Variants in PPTC7 observed in about 807,000 individuals in gnomAD.
The protein encoded by PPTC7 is protein phosphatase PTC7 homolog.
Under a neutral mutation model 30.8 loss-of-function variants are expected in PPTC7, and 6 were observed. The ratio of observed to expected loss-of-function variants is 0.19; its 90% CI spans 0.11 to 0.38. PPTC7 has a LOEUF of 0.38. PPTC7 is among the 10% of genes least tolerant of loss of function. The pLI is 1.00. For missense variants in PPTC7, 218 were observed against 404.8 expected, an observed-to-expected ratio of 0.54 and a Z score of 3.96; for synonymous variants, 163 against 168.1, an observed-to-expected ratio of 0.97 and a Z score of 0.23.
chr12:110,544,090 C>T (rs1593145408), intron 3 of PPTC7, among the ~76,000 whole-genome samples: 1 of 152,170 alleles, frequency 6.6e-6, no homozygotes, highest in Admixed American at 6.5e-5. Flanking sequence ...TTTAGAAGGG[C>T]CTAGAATCAA....
chr12:110,554,493 G>A (rs1373734653), intron 1 of PPTC7, among the ~76,000 whole-genome samples: 1 of 152,058 alleles, frequency 6.6e-6, no homozygotes, highest in Admixed American at 6.6e-5. Flanking sequence ...TTTATTTTTA[G>A]TTAATATGAA....
At chr12:110,545,650 T>C (rs1211772641) in intron 3 of PPTC7, among the ~76,000 whole-genome samples, 2 of 152,228 alleles carry the variant, frequency 1.3e-5, no homozygotes, top group Non-Finnish European at 2.9e-5. Flanking sequence ...TGAAATAGTA[T>C]TTTCATGGTC....
At chr12:110,537,868 G>A (rs569586406) in intron 5 of PPTC7, among the ~76,000 whole-genome samples, 1 of 152,338 alleles carries the variant, frequency 6.6e-6, no homozygotes, top group East Asian at 1.9e-4. Flanking sequence ...AAGCCTTTTG[G>A]GTTCAGGTCC....
At chr12:110,542,673 CAA>C (rs765332697) in intron 3 of PPTC7, among the ~76,000 whole-genome samples, 402 of 26,666 alleles carry the variant, frequency 0.015, no homozygotes, top group Non-Finnish European at 0.02. Context: ...GACTCTGTCT[CAA>C]AAAAAAAAAA....
intron 1 of PPTC7, among the ~76,000 whole-genome samples, chr12:110,565,400 C>T (rs1029397618): frequency 2.6e-4 from 40 of 152,040 alleles, no homozygotes; most frequent in Middle Eastern, 3.4e-3. Context: ...GGATTACAGG[C>T]GCCCACCACC....
chr12:110,579,458 G>A (rs903286451), intron 1 of PPTC7, among the ~76,000 whole-genome samples: 1 of 152,200 alleles, frequency 6.6e-6, no homozygotes, highest in African/African-American at 2.4e-5. Flanking sequence ...CCCTTCAAGG[G>A]TACAGAGCTG....
chr12:110,566,667 AAG>A (rs1258821379), intron 1 of PPTC7, among the ~76,000 whole-genome samples: 2 of 152,336 alleles, frequency 1.3e-5, no homozygotes, highest in East Asian at 1.9e-4. Flanking sequence ...TCAGAAAAAA[AAG>A]AGTCTTTGAC....
chr12:110,541,700 CAAAAAA>C (rs748911395), intron 3 of PPTC7, among the ~76,000 whole-genome samples: 1 of 66,478 alleles, frequency 1.5e-5, no homozygotes. Context: ...AACTCCGTCT[CAAAAAA>C]AAAAAAAAAA....
chr12:110,582,715 T>C (rs1472775987), intron 1 of PPTC7, 94 bp downstream of exon 1: 2 of 1,141,542 alleles, frequency 1.8e-6, no homozygotes, highest in African/African-American at 3.2e-5. Context: ...CTCTGGCTCC[T>C]TTCGCCGCCG....
At chr12:110,551,727 G>C in intron 2 of PPTC7, 62 bp downstream of exon 2, 1 of 1,421,936 alleles carries the variant, frequency 7.0e-7, no homozygotes, top group Non-Finnish European at 9.7e-7. Flanking sequence ...TGATTTTCTT[G>C]GTTTTGTTTT....
intron 1 of PPTC7, among the ~76,000 whole-genome samples, chr12:110,573,696 C>T (rs2064559238): frequency 6.6e-6 from 1 of 151,994 alleles, no homozygotes. Context: ...AAAAGCACTA[C>T]ACAGGCCAGG....
In PPTC7 at chr12:110,546,047, G is replaced by C. The variant is rs373235883; in HGVS notation, c.435C>G (p.Asp145Glu). Residue 145 changes from aspartate (D) to glutamate (E), a missense_variant, in exon 3 of 6, where the codon GAC becomes GAG. Transcript: ENST00000354300. The part of the protein sequence containing the change: ...GSSTACIVVL[D>E]RTSHRLHTAN... ...CTGTGTGTAAGCGGTGGCTGGTTCT[G>C]TCCAGCACCACAATGCAGGCGGTGC... The C allele has an allele frequency of 6.2e-7, 1 of 1,613,970 alleles. No individual in the cohort carries two copies. The highest frequency in any genetic ancestry group is 8.5e-7 in the Non-Finnish European group (1 of 1,180,034).
At chr12:110,539,488 C>T in intron 4 of PPTC7, among the ~76,000 whole-genome samples, 1 of 152,170 alleles carries the variant, frequency 6.6e-6, no homozygotes, top group East Asian at 1.9e-4. Flanking sequence ...ATGACTATTT[C>T]CTGTCTTTGC....
intron 1 of PPTC7, 56 bp downstream of exon 1, chr12:110,582,753 G>A (rs2064649213): frequency 1.4e-6 from 2 of 1,408,650 alleles, no homozygotes; most frequent in African/African-American, 1.5e-5. Context: ...CCCGCGCGGG[G>A]AGTCCCCGGG....
intron 5 of PPTC7, among the ~76,000 whole-genome samples, chr12:110,537,786 C>G (rs1181577408): frequency 6.6e-6 from 1 of 152,154 alleles, no homozygotes; most frequent in Non-Finnish European, 1.5e-5. Context: ...AAGGGAGAAG[C>G]GAAATGTCAG....
chr12:110,534,982 T>A lies in PPTC7; in HGVS notation c.*2055A>T, dbSNP rs1213773916. The A allele has an allele frequency of 6.6e-6, 1 of 152,632 alleles. No homozygotes were observed. The highest frequency in any genetic ancestry group is 1.5e-5 in the Non-Finnish European group (1 of 68,036). The allele number at this position is 152,632 out of a possible 1,614,324, so 9.5% of individuals were successfully genotyped here. ...GCTACATACTCTTACCAAAAATAAT[T>A]GAAAACCTAAACAAAAGAGCTGAAG... On this transcript the variant is annotated 3_prime_UTR_variant, in exon 6 of 6. Coordinates refer to ENST00000354300, the MANE Select transcript of PPTC7 (RefSeq NM_139283.2).
Position 110,582,900 on chromosome 12 carries a change from C to T in PPTC7, c.132G>A (p.Gly44=), listed in dbSNP as rs1437287004. ...TGAGGAGGCCCTTACGGAAGTCCTT[C>T]CCGAAGCCGCAGCCGGCCGTCACCA... ...YGLVTAGCGF[G]KDFRKGLLKK... The change falls in exon 1 of 6, where the codon GGG becomes GGA. Residue 44 remains glycine, a synonymous_variant. Transcript: ENST00000354300. The T allele has an allele frequency of 1.3e-6, 2 of 1,552,214 alleles. No individual in the cohort carries two copies. Among genetic ancestry groups the T allele is most frequent in the South Asian group, 2.4e-5 (2 of 84,432 alleles).
chr12:110,545,872 G>T lies in PPTC7; in HGVS notation c.602+8C>A, dbSNP rs1258148990. The T allele has an allele frequency of 6.2e-7, 1 of 1,612,874 alleles. No homozygotes were observed. Among genetic ancestry groups the T allele is most frequent in the South Asian group, 1.1e-5 (1 of 91,002 alleles). ...TGCTCACACTTAATGGCTGAGAGGG[G>T]AGATTACCTGTCGCTCAAGACGACT... is the stretch of plus-strand genomic sequence containing the variant. On this transcript the variant is annotated splice_region_variant and intron_variant, in intron 3 of 5. Transcript: ENST00000354300.
chr12:110,575,347 C>T (rs1409913458), intron 1 of PPTC7, among the ~76,000 whole-genome samples: 2 of 151,896 alleles, frequency 1.3e-5, no homozygotes, highest in Admixed American at 6.6e-5. Flanking sequence ...AACCTAAAGC[C>T]CCAGGCAAGA....
Sources: allele counts gnomAD v4.1 joint callset (sites outside exome capture counted in the v4.1 genomes callset), GRCh38; gene constraint gnomAD v4.1.1; transcripts MANE v1.5; gene names NCBI Gene and HGNC (gene_info 2026-07-23, HGNC 2026-07-21).